MTCL3: variants seen among roughly 807,000 people sequenced by gnomAD.
The protein encoded by MTCL3 is MTCL family member 3, also known as microtubule cross-linking factor 3.
the MTCL3 span, chr6:127,516,817 G>T: frequency 1.2e-6 from 1 of 868,926 alleles, no homozygotes; most frequent in Non-Finnish European, 1.7e-6. Context: ...TTAGGAATAG[G>T]ATGCAGGGCT....
chr6:127,494,288 T>A, the MTCL3 span, among the ~76,000 whole-genome samples: 2 of 152,168 alleles, frequency 1.3e-5, no homozygotes, highest in African/African-American at 4.8e-5. Context: ...GAAATTTAGG[T>A]ACATCAGAAA....
At chr6:127,512,872 G>A in the MTCL3 span, 7 of 1,601,958 alleles carry the variant, frequency 4.4e-6, no homozygotes, top group Non-Finnish European at 6.0e-6. Flanking sequence ...AGTACACCAT[G>A]AAATAATCAA....
At chr6:127,475,585 T>C in the MTCL3 span, 23 of 1,606,166 alleles carry the variant, frequency 1.4e-5, no homozygotes, top group Admixed American at 3.2e-4. This position sits in a 1 kb window ranked among gnomAD's most constrained non-coding sequence, Gnocchi z 7.3. Flanking sequence ...GTCCTTCATC[T>C]GCTGCCGATC....
At chr6:127,475,790 C>T in the MTCL3 span, 1 of 1,611,212 alleles carries the variant, frequency 6.2e-7, no homozygotes, top group Non-Finnish European at 8.5e-7. This position sits in a 1 kb window ranked among gnomAD's most constrained non-coding sequence, Gnocchi z 7.3. Context: ...CGGGGGCTGC[C>T]GCGGATGCCC....
At chr6:127,504,836 A>G in the MTCL3 span, among the ~76,000 whole-genome samples, 1 of 152,208 alleles carries the variant, frequency 6.6e-6, no homozygotes, top group South Asian at 2.1e-4. Context: ...ACAAAATACA[A>G]ACATTTGGAT....
At chr6:127,514,495 C>A in the MTCL3 span, among the ~76,000 whole-genome samples, 1 of 152,242 alleles carries the variant, frequency 6.6e-6, no homozygotes, top group Non-Finnish European at 1.5e-5. Flanking sequence ...AAGGGCAGAT[C>A]AAAGGCTAGA....
At chr6:127,482,335 C>T in the MTCL3 span, among the ~76,000 whole-genome samples, 135 of 152,318 alleles carry the variant, frequency 8.9e-4, no homozygotes, top group Non-Finnish European at 1.5e-3. This position sits in a 1 kb window ranked among gnomAD's most constrained non-coding sequence, Gnocchi z 4.1. Flanking sequence ...CAACCATTGG[C>T]ACCTCTTTTT....
the MTCL3 span, among the ~76,000 whole-genome samples, chr6:127,490,903 G>A: frequency 1.3e-5 from 2 of 152,152 alleles, no homozygotes; most frequent in Non-Finnish European, 2.9e-5. Context: ...CAGGAGTTTG[G>A]AAGAAGTTGA....
At chr6:127,491,047 G>A in the MTCL3 span, among the ~76,000 whole-genome samples, 1 of 152,172 alleles carries the variant, frequency 6.6e-6, no homozygotes. Flanking sequence ...CAACTTTAAT[G>A]GATGAGGAGT....
At chr6:127,515,987 C>T in the MTCL3 span, 406 of 1,595,672 alleles carry the variant, frequency 2.5e-4, 1 homozygote, top group Middle Eastern at 2.8e-3. The surrounding 1 kb of genome is among the most constrained non-coding windows in gnomAD (Gnocchi z 4.3). Flanking sequence ...CCCTCCCCGC[C>T]GCTGCCGCCC....
chr6:127,475,267 G>A, the MTCL3 span: 9 of 1,559,232 alleles, frequency 5.8e-6, no homozygotes, highest in Admixed American at 1.8e-5. The surrounding 1 kb of genome is among the most constrained non-coding windows in gnomAD (Gnocchi z 7.3). Context: ...GGCCACCGCC[G>A]TGGCTCGCAA....
chr6:127,480,186 T>C, the MTCL3 span, among the ~76,000 whole-genome samples: 1 of 152,358 alleles, frequency 6.6e-6, no homozygotes, highest in East Asian at 1.9e-4. Flanking sequence ...TACTAGAAAC[T>C]AAATTGCATT....
At chr6:127,497,046 T>C in the MTCL3 span, among the ~76,000 whole-genome samples, 1 of 152,184 alleles carries the variant, frequency 6.6e-6, no homozygotes, top group Non-Finnish European at 1.5e-5. Context: ...TAACAATAAA[T>C]GGGCATGAAG....
chr6:127,515,694 G>C, the MTCL3 span: 1 of 1,558,460 alleles, frequency 6.4e-7, no homozygotes, highest in Non-Finnish European at 8.6e-7. This position sits in a 1 kb window ranked among gnomAD's most constrained non-coding sequence, Gnocchi z 4.3. Flanking sequence ...TTGGGGAGGC[G>C]GAGGCGACGG....
chr6:127,516,682 C>T, the MTCL3 span: 6 of 1,520,646 alleles, frequency 3.9e-6, no homozygotes, highest in Non-Finnish European at 5.3e-6. Context: ...CTCTTCACCG[C>T]CGCCAACCTT....
chr6:127,478,123 T>A, the MTCL3 span, among the ~76,000 whole-genome samples: 2 of 152,156 alleles, frequency 1.3e-5, no homozygotes, highest in East Asian at 3.9e-4. Flanking sequence ...ATGGAAAGCT[T>A]TGATGGAAGA....
At chr6:127,475,436 G>T in the MTCL3 span, 2 of 1,613,026 alleles carry the variant, frequency 1.2e-6, no homozygotes, top group Non-Finnish European at 1.7e-6. This position sits in a 1 kb window ranked among gnomAD's most constrained non-coding sequence, Gnocchi z 7.3. Flanking sequence ...TCCCGGATGC[G>T]GCTGCCGTCG....
chr6:127,478,735 A>G, the MTCL3 span, among the ~76,000 whole-genome samples: 5 of 152,070 alleles, frequency 3.3e-5, no homozygotes, highest in Non-Finnish European at 7.4e-5. Flanking sequence ...AGGGAGACAT[A>G]TGGCCAGGCG....
At chr6:127,515,669 C>T in the MTCL3 span, 7 of 1,491,526 alleles carry the variant, frequency 4.7e-6, no homozygotes, top group Middle Eastern at 2.0e-4. The surrounding 1 kb of genome is among the most constrained non-coding windows in gnomAD (Gnocchi z 4.3). Flanking sequence ...TGGGGGCCCT[C>T]CGCCGCCGCC....
Sources: gnomAD v4.1 joint callset for allele counts (sites outside exome capture counted in the v4.1 genomes callset) on GRCh38, gnomAD v4.1.1 for gene constraint, Gnocchi (gnomAD v3.1) non-coding constraint, MANE v1.5 for transcripts, NCBI Gene and HGNC (gene_info 2026-07-23, HGNC 2026-07-21) for gene names.